Variants in NYAP2 observed in about 807,000 individuals in gnomAD.
NYAP2 encodes neuronal tyrosine-phosphorylated phosphoinositide-3-kinase adaptor 2.
In NYAP2, 23 loss-of-function variants were observed where a neutral mutation model predicts 50.4. That is an observed-to-expected ratio of 0.46 (90% CI 0.33 to 0.65). The LOEUF (loss-of-function observed/expected upper bound fraction) is 0.65, where lower values mean the gene tolerates loss of function less well. Among genes scored for constraint, NYAP2 ranks in the 30% least tolerant of loss-of-function variants. The probability of loss-of-function intolerance (pLI) is 0.02; values close to 1 mark genes in which losing one functional copy is unlikely to be tolerated. For synonymous variants in NYAP2, 394 were observed against 365.2 expected, an observed-to-expected ratio of 1.08 and a Z score of -0.90; for missense variants, 885 against 861.0, an observed-to-expected ratio of 1.03 and a Z score of -0.35.
chr2:225,416,958 T>C (rs775928568), intron 3 of NYAP2, among the ~76,000 whole-genome samples: 2 of 152,142 alleles, frequency 1.3e-5, no homozygotes, highest in Non-Finnish European at 2.9e-5. Flanking sequence ...CAGAAGCCCG[T>C]TGGAGAATTT....
chr2:225,652,014 T>C (rs907810670), exon 7 of NYAP2: 1 of 158,106 alleles, frequency 6.3e-6, no homozygotes, highest in African/African-American at 2.4e-5. Context: ...TGTACATATT[T>C]CTTAGCTCTT....
exon 1 of NYAP2, chr2:225,400,151 C>G (rs549126796): frequency 6.6e-6 from 1 of 152,208 alleles, no homozygotes; most frequent in Non-Finnish European, 1.5e-5. Flanking sequence ...TCCAATGGGC[C>G]TAGTGAGCAG....
chr2:225,422,400 A>G (rs58887688), intron 3 of NYAP2, among the ~76,000 whole-genome samples: 3,248 of 152,262 alleles, frequency 0.021, 120 homozygotes, highest in African/African-American at 0.071. Context: ...CAGTCAAATC[A>G]CAAATACCAA....
At chr2:225,579,250 AT>A (rs1692227064) in intron 4 of NYAP2, among the ~76,000 whole-genome samples, 1 of 152,138 alleles carries the variant, frequency 6.6e-6, no homozygotes, top group Non-Finnish European at 1.5e-5. Flanking sequence ...GCTTCAACAG[AT>A]GAATTTTTTT....
chr2:225,567,738 T>C (rs577946589), intron 4 of NYAP2, among the ~76,000 whole-genome samples: 18 of 152,202 alleles, frequency 1.2e-4, no homozygotes, highest in Admixed American at 8.5e-4. Context: ...AGGGGAAATG[T>C]CTCAGTAAAG....
intron 4 of NYAP2, among the ~76,000 whole-genome samples, chr2:225,514,177 C>T (rs1211882438): frequency 1.3e-5 from 2 of 152,126 alleles, no homozygotes; most frequent in African/African-American, 4.8e-5. Flanking sequence ...TTACCTTTAT[C>T]TGCCTGTGTT....
intron 3 of NYAP2, among the ~76,000 whole-genome samples, chr2:225,420,801 A>G (rs780529227): frequency 6.6e-6 from 1 of 151,688 alleles, no homozygotes; most frequent in South Asian, 2.1e-4. Context: ...TTTTTCATAT[A>G]GTACTTGATA....
chr2:225,541,336 T>G lies in NYAP2; in HGVS notation c.523+27664T>G, dbSNP rs1343128062. On this transcript the variant is annotated intron_variant, in intron 4 of 6. Transcript: ENST00000636099. Reference sequence around the variant, plus strand: ...CATTTTTGCTTTAGTTGCCTGTGCTTCTGGGGTATTACTCAATAAATCTTT... The same window carrying G: ...CATTTTTGCTTTAGTTGCCTGTGCTGCTGGGGTATTACTCAATAAATCTTT... Among the ~76,000 whole-genome samples, 4 of 152,200 alleles carry G rather than the reference T, an allele frequency of 2.6e-5. No homozygotes were observed. In the East Asian group the frequency reaches 7.7e-4, roughly 29 times the overall value.
At chr2:225,437,715 C>A (rs1463071706) in intron 3 of NYAP2, among the ~76,000 whole-genome samples, 1 of 152,196 alleles carries the variant, frequency 6.6e-6, no homozygotes, top group African/African-American at 2.4e-5. Flanking sequence ...ACGTAAACAT[C>A]TGATTTAATC....
intron 2 of NYAP2, among the ~76,000 whole-genome samples, chr2:225,405,172 A>G (rs1475780861): frequency 2.0e-5 from 3 of 152,026 alleles, no homozygotes; most frequent in Non-Finnish European, 4.4e-5. Context: ...GATGAACTCA[A>G]TTAAAAGGGA....
chr2:225,611,485 T>C (rs1692884042), intron 5 of NYAP2, among the ~76,000 whole-genome samples: 1 of 152,080 alleles, frequency 6.6e-6, no homozygotes, highest in African/African-American at 2.4e-5. Flanking sequence ...TCTTCCAACT[T>C]GCCATGGGCA....
intron 6 of NYAP2, among the ~76,000 whole-genome samples, chr2:225,638,656 C>T (rs1008601350): frequency 1.3e-5 from 2 of 152,100 alleles, no homozygotes; most frequent in African/African-American, 4.8e-5. Context: ...AGATGGCCAA[C>T]CAATCAGAGG....
chr2:225,530,279 C>T (rs892084361), intron 4 of NYAP2, among the ~76,000 whole-genome samples: 1 of 152,106 alleles, frequency 6.6e-6, no homozygotes, highest in South Asian at 2.1e-4. Context: ...CTTCAGGCCA[C>T]CGTCCTGCAT....
rs150781015 is a variant in NYAP2, at chr2:225,532,717, A to G, written c.523+19045A>G. On this transcript the variant is annotated intron_variant, in intron 4 of 6. Transcript: ENST00000636099. Reference sequence around the variant, plus strand: ...TTTGATTTGGGGTCTCTAACCCTATAGCATATTAGGAAACAATGTACAAGC... The same window carrying G: ...TTTGATTTGGGGTCTCTAACCCTATGGCATATTAGGAAACAATGTACAAGC... 1.3e-3 allele frequency among the ~76,000 whole-genome samples: 201 copies of G among 152,258 alleles called. 1 individual carries two copies. The highest frequency in any genetic ancestry group is 4.4e-3 in the African/African-American group (183 of 41,554).
chr2:225,536,692 GT>G (rs1383987158), intron 4 of NYAP2, among the ~76,000 whole-genome samples: 1 of 151,632 alleles, frequency 6.6e-6, no homozygotes, highest in Admixed American at 6.6e-5. Context: ...AGTTATGCTA[GT>G]TTTTTTTAAA....
intron 3 of NYAP2, among the ~76,000 whole-genome samples, chr2:225,491,088 TC>T (rs1410138563): frequency 6.6e-6 from 1 of 152,092 alleles, no homozygotes; most frequent in Non-Finnish European, 1.5e-5. Context: ...TAACATCCCT[TC>T]CCAATGATGC....
intron 4 of NYAP2, among the ~76,000 whole-genome samples, chr2:225,567,913 G>A (rs768581064): frequency 5.9e-5 from 9 of 152,132 alleles, no homozygotes; most frequent in Admixed American, 3.9e-4. Context: ...ACTGGCTGTG[G>A]CATATTTTGC....
chr2:225,549,670 A>G (rs1280472602), intron 4 of NYAP2, among the ~76,000 whole-genome samples: 2 of 152,154 alleles, frequency 1.3e-5, no homozygotes, highest in Non-Finnish European at 2.9e-5. Flanking sequence ...TTGGGAGAAA[A>G]TGCAGTAGAT....
upstream of NYAP2, among the ~76,000 whole-genome samples, chr2:225,399,263 A>G (rs1402673362): frequency 6.6e-6 from 1 of 152,032 alleles, no homozygotes; most frequent in Non-Finnish European, 1.5e-5. Flanking sequence ...GTGCAAAATT[A>G]ATAGATTAAA....
Sources: gnomAD v4.1 joint callset for allele counts (sites outside exome capture counted in the v4.1 genomes callset) on GRCh38, gnomAD v4.1.1 for gene constraint, MANE v1.5 for transcripts, NCBI Gene and HGNC (gene_info 2026-07-23, HGNC 2026-07-21) for gene names.